The following TMEM132D variants were observed in gnomAD, a reference collection of about 807,000 sequenced individuals.
The protein encoded by TMEM132D is mature OL transmembrane protein.
Under a neutral mutation model 62.3 loss-of-function variants are expected in TMEM132D, and 21 were observed. That is an observed-to-expected ratio of 0.34 (90% CI 0.24 to 0.49). TMEM132D has a LOEUF of 0.49. TMEM132D is among the 20% of genes least tolerant of loss of function. The probability of loss-of-function intolerance (pLI) is 0.99; values close to 1 mark genes in which losing one functional copy is unlikely to be tolerated. For synonymous variants in TMEM132D, 621 were observed against 575.6 expected (o/e 1.08, Z -1.13); for missense variants, 1,346 against 1,402.8 (o/e 0.96, Z 0.65).
intron 3 of TMEM132D, among the ~76,000 whole-genome samples, chr12:129,344,508 G>A (rs939978019): frequency 3.3e-5 from 5 of 152,152 alleles, no homozygotes; most frequent in African/African-American, 1.2e-4. Flanking sequence ...AGACAGAATG[G>A]GTTAGAGGAA....
At chr12:129,598,492 G>A (rs1211458632) in intron 2 of TMEM132D, among the ~76,000 whole-genome samples, 1 of 152,166 alleles carries the variant, frequency 6.6e-6, no homozygotes, top group Admixed American at 6.5e-5. Context: ...TAGATGATGT[G>A]TTTGGATTTT....
At chr12:129,444,149 A>G (rs1341353325) in intron 3 of TMEM132D, among the ~76,000 whole-genome samples, 1 of 152,178 alleles carries the variant, frequency 6.6e-6, no homozygotes, top group Non-Finnish European at 1.5e-5. Context: ...ACCCACAACT[A>G]TAAAAACCCA....
intron 1 of TMEM132D, among the ~76,000 whole-genome samples, chr12:129,822,448 G>T (rs1418368047): frequency 2.0e-5 from 3 of 152,196 alleles, no homozygotes; most frequent in African/African-American, 7.2e-5. Context: ...TCCCCAGGGA[G>T]TCACACAGGA....
chr12:129,525,226 G>GTTTTT lies in TMEM132D; in HGVS notation c.1115+5828_1115+5832dup, dbSNP rs765569025. 3.1e-3 allele frequency among the ~76,000 whole-genome samples: 207 copies of GTTTTT among 67,380 alleles called. 29 individuals are homozygous for GTTTTT. Among genetic ancestry groups the GTTTTT allele is most frequent in the Non-Finnish European group, 4.9e-3 (169 of 34,744 alleles). 44.2% of individuals were successfully genotyped at this position (67,380 alleles called of 152,430 possible). A position where few individuals can be genotyped will look rare whatever the true frequency, so the allele number is the denominator to read the frequency against. On this transcript the variant is annotated intron_variant, in intron 3 of 8. Transcript: ENST00000422113. ...GGGTATGAGCCACGGTGCCCAGCCG[G>GTTTTT]TTTTTTTTTTTTTTTTTTTTTTTTT...
chr12:129,535,979 G>T (rs79491205), intron 2 of TMEM132D, among the ~76,000 whole-genome samples: 27,375 of 151,964 alleles, frequency 0.18, 2,788 homozygotes, highest in East Asian at 0.42. Context: ...ACTATTATTG[G>T]CTAATCAGCT....
chr12:129,798,657 C>T (rs1212059670), intron 1 of TMEM132D, among the ~76,000 whole-genome samples: 1 of 151,878 alleles, frequency 6.6e-6, no homozygotes, highest in Non-Finnish European at 1.5e-5. Flanking sequence ...TGTTCCCCTA[C>T]CTGGGCGAGC....
At chr12:129,356,051 C>G (rs748942605) in intron 3 of TMEM132D, among the ~76,000 whole-genome samples, 9 of 152,156 alleles carry the variant, frequency 5.9e-5, no homozygotes, top group Non-Finnish European at 1.3e-4. Context: ...CGTACTTTCC[C>G]TGAGCATTTA....
At chr12:129,605,624 C>CACACACACACACATATATAT (rs2137146592) in intron 2 of TMEM132D, among the ~76,000 whole-genome samples, 1 of 66,614 alleles carries the variant, frequency 1.5e-5, no homozygotes, top group South Asian at 5.1e-4. Context: ...TATATATATA[C>CACACACACACACATATATAT]ACACACACAC....
chr12:129,180,186 C>T (rs528976933), intron 5 of TMEM132D, among the ~76,000 whole-genome samples: 1 of 151,560 alleles, frequency 6.6e-6, no homozygotes, highest in African/African-American at 2.4e-5. Flanking sequence ...GTATCCAGTG[C>T]ATTCGTAAGC....
chr12:129,656,649 C>A (rs796686627), intron 2 of TMEM132D, among the ~76,000 whole-genome samples: 19 of 152,310 alleles, frequency 1.2e-4, no homozygotes, highest in African/African-American at 4.3e-4. Flanking sequence ...GCGGCTACTT[C>A]TCAGCTCTAG....
chr12:129,620,394 T>G (rs987719882), intron 2 of TMEM132D, among the ~76,000 whole-genome samples: 19 of 152,158 alleles, frequency 1.2e-4, no homozygotes, highest in African/African-American at 4.3e-4. Context: ...ATCCCAGGAG[T>G]TCGAGGCCAG....
At chr12:129,693,845 G>T (rs560716569) in intron 2 of TMEM132D, among the ~76,000 whole-genome samples, 1 of 152,264 alleles carries the variant, frequency 6.6e-6, no homozygotes, top group African/African-American at 2.4e-5. Flanking sequence ...TGTATGCGAC[G>T]TATGAACAAG....
chr12:129,663,792 C>G (rs745927243), intron 2 of TMEM132D, among the ~76,000 whole-genome samples: 18 of 152,350 alleles, frequency 1.2e-4, no homozygotes, highest in Middle Eastern at 3.4e-3. Context: ...AGCAATCCTT[C>G]TATCCACCCT....
chr12:129,696,236 C>A (rs918001659), intron 2 of TMEM132D, among the ~76,000 whole-genome samples: 2 of 152,190 alleles, frequency 1.3e-5, no homozygotes, highest in African/African-American at 4.8e-5. Context: ...CTCTTGCTAT[C>A]TCCTTTCTAA....
intron 3 of TMEM132D, among the ~76,000 whole-genome samples, chr12:129,406,619 CAAAA>C (rs772303670): frequency 9.8e-6 from 1 of 102,104 alleles, no homozygotes; most frequent in Admixed American, 1.1e-4. Flanking sequence ...GACTCCACCT[CAAAA>C]AAAAAAAAAA....
At chr12:129,501,666 G>A (rs113553824) in intron 3 of TMEM132D, among the ~76,000 whole-genome samples, 2 of 152,000 alleles carry the variant, frequency 1.3e-5, no homozygotes, top group African/African-American at 2.4e-5. Flanking sequence ...CATCACGCCT[G>A]GCCAACTTTT....
intron 1 of TMEM132D, among the ~76,000 whole-genome samples, chr12:129,760,603 T>G (rs768382404): frequency 2.6e-4 from 39 of 151,108 alleles, no homozygotes; most frequent in Non-Finnish European, 4.6e-4. Context: ...GCCTCAAGCC[T>G]CCTGAAGTAC....
chr12:129,706,255 T>C (rs1881504889), intron 1 of TMEM132D, among the ~76,000 whole-genome samples: 1 of 151,962 alleles, frequency 6.6e-6, no homozygotes, highest in Non-Finnish European at 1.5e-5. Context: ...AGAACTTAAA[T>C]AAGTTGACTG....
At chr12:129,631,446 A>G (rs1431670790) in intron 2 of TMEM132D, among the ~76,000 whole-genome samples, 1 of 152,198 alleles carries the variant, frequency 6.6e-6, no homozygotes, top group Admixed American at 6.5e-5. Context: ...CTCCAAAACA[A>G]CAGAGGAAAC....
Sources: allele counts gnomAD v4.1 joint callset (sites outside exome capture counted in the v4.1 genomes callset), GRCh38; gene constraint gnomAD v4.1.1; transcripts MANE v1.5; gene names NCBI Gene and HGNC (gene_info 2026-07-23, HGNC 2026-07-21).